RASGRP3: variants seen among roughly 807,000 people sequenced by gnomAD.
The protein encoded by RASGRP3 is RAS guanyl releasing protein 3, also known as ras guanyl-releasing protein 3.
In RASGRP3, 54 loss-of-function variants were observed where a neutral mutation model predicts 82.7. The ratio of observed to expected loss-of-function variants is 0.65; its 90% CI spans 0.52 to 0.82. The LOEUF is 0.82. Among genes scored for constraint, RASGRP3 ranks in the 40% least tolerant of loss-of-function variants. RASGRP3 has a pLI of 0.00. For synonymous variants in RASGRP3, 309 were observed against 300.5 expected (o/e 1.03, Z -0.29); for missense variants, 861 against 828.9 (o/e 1.04, Z -0.48).
upstream of RASGRP3, among the ~76,000 whole-genome samples, chr2:33,472,384 C>T (rs1192361280): frequency 2.6e-5 from 4 of 152,138 alleles, no homozygotes; most frequent in Non-Finnish European, 5.9e-5. Flanking sequence ...CCTACGATGG[C>T]CCGGAGGGGC....
intron 8 of RASGRP3, 36 bp downstream of exon 8, chr2:33,524,088 A>G (rs1187324147): frequency 6.3e-7 from 1 of 1,597,590 alleles, no homozygotes; most frequent in Non-Finnish European, 8.6e-7. Context: ...CTTGAGTTCT[A>G]GATGTTCGTT....
chr2:33,529,825 T>C (rs1416542446), intron 10 of RASGRP3, among the ~76,000 whole-genome samples: 2 of 151,172 alleles, frequency 1.3e-5, no homozygotes, highest in Non-Finnish European at 2.9e-5. Flanking sequence ...GGATTCTAGA[T>C]GTAAGAACCA....
intron 7 of RASGRP3, among the ~76,000 whole-genome samples, chr2:33,523,260 G>A (rs1672200277): frequency 1.3e-5 from 2 of 151,978 alleles, no homozygotes; most frequent in Non-Finnish European, 2.9e-5. Flanking sequence ...TCAAGAGATC[G>A]AGACCTTCCT....
At chr2:33,521,538 G>A (rs1672035222) in intron 6 of RASGRP3, among the ~76,000 whole-genome samples, 1 of 152,222 alleles carries the variant, frequency 6.6e-6, no homozygotes, top group African/African-American at 2.4e-5. Flanking sequence ...GCGAGGCCCA[G>A]GCCTCTGTCT....
intron 11 of RASGRP3, 69 bp from the exon 12 acceptor site, chr2:33,539,025 C>A: frequency 8.5e-7 from 1 of 1,169,820 alleles, no homozygotes; most frequent in Non-Finnish European, 1.2e-6. Flanking sequence ...GGCGACAGAA[C>A]CAGACCCTGT....
intron 2 of RASGRP3, among the ~76,000 whole-genome samples, chr2:33,452,439 G>A (rs1304258969): frequency 6.6e-6 from 1 of 152,246 alleles, no homozygotes; most frequent in African/African-American, 2.4e-5. Flanking sequence ...ACTTGCTCCT[G>A]TATTCTCAGG....
upstream of RASGRP3, chr2:33,476,198 GAAAC>G (rs1667352210): frequency 6.6e-6 from 1 of 152,126 alleles, no homozygotes; most frequent in African/African-American, 2.4e-5. Flanking sequence ...CTGAGAAAAC[GAAAC>G]CAAACAGTTG....
intron 16 of RASGRP3, 46 bp downstream of exon 16, chr2:33,558,382 C>T (rs945654696): frequency 7.4e-6 from 12 of 1,611,132 alleles, no homozygotes; most frequent in Admixed American, 1.7e-5. Flanking sequence ...TTTCTGCTTG[C>T]CTCCTCACAC....
intron 2 of RASGRP3, chr2:33,514,129 C>T (rs1330528595): frequency 6.6e-6 from 1 of 152,062 alleles, no homozygotes; most frequent in Non-Finnish European, 1.5e-5. Context: ...ATATGCAAAG[C>T]ATTCGGAATG....
chr2:33,500,417 G>C (rs1481375448), intron 1 of RASGRP3, among the ~76,000 whole-genome samples: 1 of 152,116 alleles, frequency 6.6e-6, no homozygotes, highest in Non-Finnish European at 1.5e-5. Context: ...GGTGGGCCAG[G>C]GGATACGGGA....
At position 33,523,231 on chromosome 2, in the gene RASGRP3, A is replaced by C. The variant is rs551324545; in HGVS notation, c.517-648A>C. Among the ~76,000 whole-genome samples, 9 of 152,246 alleles carry C rather than the reference A, an allele frequency of 5.9e-5. No homozygotes were observed. In the East Asian group the frequency reaches 1.5e-3, roughly 26 times the overall value. On this transcript the variant is annotated intron_variant, in intron 7 of 17. Transcript: ENST00000403687. ...TTAATCCCAGCACTTTGGGAGGCCA[A>C]GGTGGGCAGATCATGAGGTCAAGAG...
intron 2 of RASGRP3, among the ~76,000 whole-genome samples, chr2:33,452,404 G>C (rs1218534337): frequency 2.0e-5 from 3 of 152,176 alleles, no homozygotes; most frequent in African/African-American, 7.2e-5. Context: ...TTCTGGGTGG[G>C]TTGTTTGGTG....
intron 2 of RASGRP3, among the ~76,000 whole-genome samples, chr2:33,452,229 T>C (rs2150886373): frequency 6.6e-6 from 1 of 152,324 alleles, no homozygotes; most frequent in Middle Eastern, 3.4e-3. Context: ...TAGATCTCCA[T>C]TTATTTAGGG....
Position 33,559,030 on chromosome 2 carries a change from G to A in RASGRP3, c.2064G>A (p.Glu688=), listed in dbSNP as rs765665686. 1.1e-5 allele frequency: 18 copies of A among 1,597,738 alleles called. 1 individual carries two copies. The highest frequency in any genetic ancestry group is 1.4e-5 in the Non-Finnish European group (16 of 1,173,284). ...DEGEETRQDG[E]DG ...GAGAAGAGACCAGACAGGATGGTGA[G>A]GTAAGTGCTAGGTCAACCCACAAAG... Residue 688 remains glutamate (E), a splice_region_variant and synonymous_variant, in exon 17 of 18, where the codon GAG becomes GAA. Coordinates refer to ENST00000403687, the MANE Select transcript of RASGRP3 (RefSeq NM_001139488.2).
At chr2:33,497,824 A>G (rs189555521) in intron 1 of RASGRP3, among the ~76,000 whole-genome samples, 3 of 152,334 alleles carry the variant, frequency 2.0e-5, no homozygotes, top group Admixed American at 1.3e-4. Context: ...GCTAGTTTTA[A>G]TCTACCAAAA....
Position 33,519,937 on chromosome 2 carries a change from C to T in RASGRP3, c.174-15C>T. 6.3e-7 allele frequency: 1 copy of T among 1,599,066 alleles called. No homozygotes were observed. Among genetic ancestry groups the T allele is most frequent in the African/African-American group, 1.3e-5 (1 of 74,682 alleles). On this transcript the variant is annotated splice_polypyrimidine_tract_variant and intron_variant, in intron 4 of 17. Transcript: ENST00000403687. The stretch of plus-strand genomic sequence containing the variant: ...GAAAGGAGGTGCAAGGATTTTTTTT[C>T]TTTAACTGGTTTACGTATCGAAATG...
intron 1 of RASGRP3, among the ~76,000 whole-genome samples, chr2:33,489,511 G>A (rs555337941): frequency 1.3e-5 from 2 of 152,182 alleles, no homozygotes; most frequent in Non-Finnish European, 2.9e-5. Flanking sequence ...TATTTAGTCA[G>A]CAGAAAATAT....
intron 1 of RASGRP3, among the ~76,000 whole-genome samples, chr2:33,480,514 G>T (rs896790536): frequency 1.3e-5 from 2 of 152,164 alleles, no homozygotes; most frequent in East Asian, 3.8e-4. Flanking sequence ...TGTACAGGGG[G>T]TGTTATATGG....
At chr2:33,505,669 G>A (rs895550437) in intron 1 of RASGRP3, among the ~76,000 whole-genome samples, 5 of 152,144 alleles carry the variant, frequency 3.3e-5, no homozygotes, top group Non-Finnish European at 5.9e-5. Flanking sequence ...TGATTTTCCC[G>A]AAGTTTAAAA....
Sources: gnomAD v4.1 joint callset for allele counts (sites outside exome capture counted in the v4.1 genomes callset) on GRCh38, gnomAD v4.1.1 for gene constraint, MANE v1.5 for transcripts, NCBI Gene and HGNC (gene_info 2026-07-23, HGNC 2026-07-21) for gene names.